The following CADPS variants were observed in gnomAD, a reference collection of about 807,000 sequenced individuals.
CADPS encodes calcium dependent secretion activator, also known as calcium-dependent secretion activator 1.
A neutral mutation model predicts 167.3 loss-of-function variants in CADPS; 57 were observed. That is an observed-to-expected ratio of 0.34 (90% confidence interval 0.28 to 0.42). The LOEUF (loss-of-function observed/expected upper bound fraction) is 0.42. CADPS is among the 20% of genes least tolerant of loss of function. CADPS has a pLI of 1.00. For missense variants in CADPS, 1,414 were observed against 1,738.1 expected, an observed-to-expected ratio of 0.81 and a Z score of 3.32; for synonymous variants, 676 against 635.3, an observed-to-expected ratio of 1.06 and a Z score of -0.96.
At chr3:62,449,219 C>G (rs1486093472) in intron 26 of CADPS, among the ~76,000 whole-genome samples, 2 of 152,232 alleles carry the variant, frequency 1.3e-5, no homozygotes, top group Non-Finnish European at 2.9e-5. Flanking sequence ...ACCTCCACCT[C>G]ACTGGAGAAG....
rs1483204408 is a variant in CADPS at position 62,514,202 on chromosome 3, T to C, written c.2582-1434A>G. Among the ~76,000 whole-genome samples the C allele has an allele frequency of 1.3e-5, 2 of 152,032 alleles. No individual in the cohort carries two copies. Among genetic ancestry groups the C allele is most frequent in the Non-Finnish European group, 2.9e-5 (2 of 67,964 alleles). ...CTCTGAGGGTAGGATCAGAGCCTTG[T>C]AAAAGAAAGTTGTCTGGTAGTAATA... On this transcript the variant is annotated intron_variant, in intron 16 of 29. Coordinates refer to ENST00000383710, the MANE Select transcript of CADPS (RefSeq NM_003716.4). This position sits in a 1 kb window ranked among gnomAD's most constrained non-coding sequence, Gnocchi z 4.2.
chr3:62,730,867 T>G (rs961037803), intron 3 of CADPS, among the ~76,000 whole-genome samples: 2 of 152,214 alleles, frequency 1.3e-5, no homozygotes, highest in East Asian at 1.9e-4. Context: ...GGCATATGTA[T>G]GAGATGGCCA....
At chr3:62,839,221 G>A (rs887051094) in intron 1 of CADPS, among the ~76,000 whole-genome samples, 5 of 152,070 alleles carry the variant, frequency 3.3e-5, no homozygotes, top group African/African-American at 1.2e-4. Flanking sequence ...TTGAGACAGA[G>A]TCTTGCTCGG....
At chr3:62,803,137 C>A (rs917094772) in intron 1 of CADPS, among the ~76,000 whole-genome samples, 2 of 152,226 alleles carry the variant, frequency 1.3e-5, no homozygotes, top group Admixed American at 6.5e-5. Flanking sequence ...CTGAACCATG[C>A]AACTCCACAT....
At chr3:62,462,545 G>A (rs2059479600) in intron 26 of CADPS, among the ~76,000 whole-genome samples, 1 of 152,224 alleles carries the variant, frequency 6.6e-6, no homozygotes, top group Non-Finnish European at 1.5e-5. Flanking sequence ...CTTTCTGGGG[G>A]GCAGAGCACA....
intron 6 of CADPS, among the ~76,000 whole-genome samples, chr3:62,599,747 T>C (rs111229404): frequency 5.4e-5 from 1 of 18,598 alleles, no homozygotes; most frequent in Non-Finnish European, 8.4e-5. Flanking sequence ...ATATATATAA[T>C]CTATTATATA....
At chr3:62,662,454 G>C (rs2073473864) in intron 3 of CADPS, 60 bp from the exon 4 acceptor site, 5 of 1,462,862 alleles carry the variant, frequency 3.4e-6, no homozygotes, top group Non-Finnish European at 4.8e-6. Flanking sequence ...AATAAACTCA[G>C]GACATTCCAT....
At chr3:62,710,805 TA>T (rs746960896) in intron 3 of CADPS, among the ~76,000 whole-genome samples, 1 of 152,318 alleles carries the variant, frequency 6.6e-6, no homozygotes, top group Non-Finnish European at 1.5e-5. Flanking sequence ...AGATTAATCT[TA>T]ATTAAATTAA....
chr3:62,763,699 C>T (rs1276317127), intron 2 of CADPS, among the ~76,000 whole-genome samples: 2 of 152,026 alleles, frequency 1.3e-5, no homozygotes, highest in African/African-American at 2.4e-5. Flanking sequence ...AAGTGTTAAC[C>T]CTGATCTCCT....
chr3:62,610,818 T>G (rs2061404599), intron 6 of CADPS, among the ~76,000 whole-genome samples: 1 of 151,652 alleles, frequency 6.6e-6, no homozygotes, highest in Non-Finnish European at 1.5e-5. Context: ...TCTCTAAACC[T>G]TAGCACACTT....
chr3:62,492,645 C>A (rs999634082), intron 19 of CADPS, among the ~76,000 whole-genome samples, 199 bp from the exon 20 acceptor site: 3 of 152,132 alleles, frequency 2.0e-5, no homozygotes, highest in Non-Finnish European at 2.9e-5. Context: ...TTATTCCAGG[C>A]CTGCCATAGA....
chr3:62,535,540 T>C (rs1264485795), intron 12 of CADPS, among the ~76,000 whole-genome samples: 1 of 152,028 alleles, frequency 6.6e-6, no homozygotes, highest in Non-Finnish European at 1.5e-5. Flanking sequence ...AAATATTACA[T>C]AGAGATATTC....
intron 21 of CADPS, among the ~76,000 whole-genome samples, chr3:62,485,690 A>G (rs2062710750): frequency 6.6e-6 from 1 of 152,154 alleles, no homozygotes; most frequent in South Asian, 2.1e-4. Context: ...TGGGTTCTTT[A>G]ACAAATATGG....
At chr3:62,746,812 G>C (rs2081556428) in intron 3 of CADPS, among the ~76,000 whole-genome samples, 1 of 152,154 alleles carries the variant, frequency 6.6e-6, no homozygotes, top group African/African-American at 2.4e-5. Flanking sequence ...TGTGAGCACA[G>C]CCTCGCCAGC....
intron 17 of CADPS, among the ~76,000 whole-genome samples, chr3:62,505,407 G>C (rs1236802419): frequency 6.6e-6 from 1 of 152,086 alleles, no homozygotes; most frequent in Non-Finnish European, 1.5e-5. Context: ...GGTATAGCTT[G>C]TCCAGTCTAC....
At chr3:62,713,028 T>C (rs1159440970) in intron 3 of CADPS, among the ~76,000 whole-genome samples, 1 of 152,210 alleles carries the variant, frequency 6.6e-6, no homozygotes, top group Non-Finnish European at 1.5e-5. Context: ...TGCTAATGAT[T>C]ATATAGCCTT....
intron 3 of CADPS, among the ~76,000 whole-genome samples, chr3:62,738,428 T>TAA (rs5849498): frequency 3.3e-5 from 5 of 151,058 alleles, no homozygotes; most frequent in Admixed American, 6.6e-5. Context: ...ACTTACACAT[T>TAA]AAAAAAAAAT....
At chr3:62,856,012 T>C (rs2079612865) in intron 1 of CADPS, among the ~76,000 whole-genome samples, 1 of 152,154 alleles carries the variant, frequency 6.6e-6, no homozygotes, top group Non-Finnish European at 1.5e-5. Context: ...GTTTTCACAA[T>C]AATATGTCAT....
At chr3:62,599,719 A>T (rs1266942811) in intron 6 of CADPS, among the ~76,000 whole-genome samples, 53 of 47,808 alleles carry the variant, frequency 1.1e-3, no homozygotes, top group African/African-American at 1.6e-3. Context: ...ATAATATATA[A>T]TATATATAGT....
Sources: allele counts gnomAD v4.1 joint callset (sites outside exome capture counted in the v4.1 genomes callset), GRCh38; gene constraint gnomAD v4.1.1; non-coding constraint Gnocchi (gnomAD v3.1); transcripts MANE v1.5; gene names NCBI Gene and HGNC (gene_info 2026-07-23, HGNC 2026-07-21).